The following SLC14A2 variants were observed in gnomAD, a reference collection of about 807,000 sequenced individuals.
The protein encoded by SLC14A2 is solute carrier family 14 member 2.
Under a neutral mutation model 104.6 loss-of-function variants are expected in SLC14A2, and 91 were observed. That is an observed-to-expected ratio of 0.87 (90% confidence interval 0.73 to 1.04). The LOEUF (loss-of-function observed/expected upper bound fraction) is 1.04, where lower values mean the gene tolerates loss of function less well. SLC14A2 is among the 50% of genes least tolerant of loss of function. SLC14A2 has a pLI of 0.00. For synonymous variants in SLC14A2, 476 were observed against 466.4 expected, an observed-to-expected ratio of 1.02 and a Z score of -0.27; for missense variants, 1,189 against 1,156.0, an observed-to-expected ratio of 1.03 and a Z score of -0.41.
intron 2 of SLC14A2, among the ~76,000 whole-genome samples, chr18:45,551,109 T>C (rs1013474880): frequency 2.0e-5 from 3 of 152,286 alleles, no homozygotes; most frequent in African/African-American, 7.2e-5. Flanking sequence ...GAACAAGCAA[T>C]GAGTAGCCCT....
the SLC14A2 span, among the ~76,000 whole-genome samples, chr18:45,172,763 T>C: frequency 2.0e-5 from 3 of 152,124 alleles, no homozygotes; most frequent in African/African-American, 7.2e-5. Context: ...GACTCATCCA[T>C]AGATTGTCTC....
At chr18:45,528,183 G>GC (rs2043625810) in intron 2 of SLC14A2, 2 of 8,720 alleles carry the variant, frequency 2.3e-4, no homozygotes, top group East Asian at 5.4e-3. Context: ...GTGTGTGTGC[G>GC]GGGGGGGGGG....
chr18:45,349,654 C>T (rs150239050), intron 1 of SLC14A2, among the ~76,000 whole-genome samples: 1 of 152,342 alleles, frequency 6.6e-6, no homozygotes, highest in Non-Finnish European at 1.5e-5. Flanking sequence ...GCAGATTGCA[C>T]AAACATAACC....
intron 10 of SLC14A2, among the ~76,000 whole-genome samples, chr18:45,648,985 C>T (rs1346083793): frequency 6.6e-6 from 1 of 152,086 alleles, no homozygotes; most frequent in Non-Finnish European, 1.5e-5. Context: ...TCCTGGCTAA[C>T]ATGGTGAAAC....
intron 1 of SLC14A2, among the ~76,000 whole-genome samples, chr18:45,296,526 C>G (rs1263915389): frequency 1.3e-5 from 2 of 152,162 alleles, no homozygotes; most frequent in African/African-American, 4.8e-5. Context: ...ATTAGCTAAG[C>G]CAATCTCCTG....
intron 1 of SLC14A2, among the ~76,000 whole-genome samples, chr18:45,242,818 T>G (rs1164499538): frequency 6.6e-6 from 1 of 152,146 alleles, no homozygotes; most frequent in East Asian, 1.9e-4. Flanking sequence ...GTATATTTAG[T>G]TTATATATTT....
intron 18 of SLC14A2, among the ~76,000 whole-genome samples, chr18:45,675,492 G>A (rs1002700763): frequency 6.6e-6 from 1 of 151,792 alleles, no homozygotes; most frequent in Non-Finnish European, 1.5e-5. Flanking sequence ...ACACATACAA[G>A]TGGAGTTTGG....
chr18:45,668,382 T>C lies in SLC14A2; in HGVS notation c.1941T>C (p.Asn647=), dbSNP rs768361950. 36 of 1,613,972 alleles carry C rather than the reference T, an allele frequency of 2.2e-5. 1 individual carries two copies. In the South Asian group the frequency reaches 3.6e-4, roughly 16 times the overall value. ...SAIAAGFHGY[N]GVLVGLLMAV... ...TCGCTGCAGGATTTCACGGCTACAA[T>C]GGGGTGCTGGTGGGGCTGCTGATGG... Residue 647 remains asparagine, a synonymous_variant, in exon 15 of 20, where the codon AAT becomes AAC. Coordinates refer to ENST00000255226, the MANE Select transcript of SLC14A2 (RefSeq NM_007163.4).
chr18:45,530,466 T>C (rs75820355), intron 2 of SLC14A2, among the ~76,000 whole-genome samples: 3,216 of 152,274 alleles, frequency 0.021, 126 homozygotes, highest in African/African-American at 0.073. Context: ...ACAGGTTTTC[T>C]TTTATATCTC....
intron 2 of SLC14A2, among the ~76,000 whole-genome samples, chr18:45,491,303 A>C (rs1037944020): frequency 4.6e-5 from 7 of 152,362 alleles, no homozygotes; most frequent in South Asian, 2.1e-4. Flanking sequence ...TCTTGAAAAA[A>C]TCCAAGGTCT....
At chr18:45,579,903 A>G (rs1568284233) in intron 2 of SLC14A2, among the ~76,000 whole-genome samples, 1 of 152,186 alleles carries the variant, frequency 6.6e-6, no homozygotes, top group Non-Finnish European at 1.5e-5. Flanking sequence ...AACCATGCAA[A>G]GAGTTAAGAA....
chr18:45,381,999 G>T (rs181417769), intron 1 of SLC14A2, among the ~76,000 whole-genome samples: 2 of 152,000 alleles, frequency 1.3e-5, no homozygotes, highest in African/African-American at 4.8e-5. Flanking sequence ...TAACATTTCC[G>T]CTTAGCACCC....
chr18:45,511,045 C>G (rs180676741), intron 2 of SLC14A2, among the ~76,000 whole-genome samples: 193 of 152,314 alleles, frequency 1.3e-3, no homozygotes, highest in Non-Finnish European at 2.0e-3. Flanking sequence ...GATTTGCAGA[C>G]AGCAGAAAGG....
intron 1 of SLC14A2, among the ~76,000 whole-genome samples, chr18:45,319,531 G>A (rs1358600311): frequency 1.3e-5 from 2 of 152,228 alleles, no homozygotes; most frequent in Admixed American, 1.3e-4. Context: ...AGCACCAGGA[G>A]AACTGGGACC....
At chr18:45,387,508 T>A (rs879278923) in intron 1 of SLC14A2, among the ~76,000 whole-genome samples, 2 of 152,206 alleles carry the variant, frequency 1.3e-5, no homozygotes, top group Admixed American at 6.5e-5. Flanking sequence ...AGGCAGTAAA[T>A]GCACACTATA....
chr18:45,558,699 G>A (rs966560965), intron 2 of SLC14A2, among the ~76,000 whole-genome samples: 9 of 152,152 alleles, frequency 5.9e-5, no homozygotes, highest in Non-Finnish European at 1.2e-4. Context: ...GTTTGAATTC[G>A]CCACAAGTGT....
At chr18:45,588,622 T>A (rs977701139) in intron 2 of SLC14A2, among the ~76,000 whole-genome samples, 1 of 152,174 alleles carries the variant, frequency 6.6e-6, no homozygotes, top group Non-Finnish European at 1.5e-5. Context: ...TCTCTGGTGA[T>A]CTCTGAGGAG....
chr18:45,662,117 A>G (rs1218131545), intron 10 of SLC14A2, among the ~76,000 whole-genome samples: 1 of 152,240 alleles, frequency 6.6e-6, no homozygotes, highest in Non-Finnish European at 1.5e-5. Flanking sequence ...AGCCTGGCCA[A>G]GATGGTGAAA....
At chr18:45,352,975 C>A (rs534878642) in intron 1 of SLC14A2, among the ~76,000 whole-genome samples, 1 of 152,266 alleles carries the variant, frequency 6.6e-6, no homozygotes, top group East Asian at 1.9e-4. Flanking sequence ...ATACAGAAAT[C>A]AAAAGTGAGG....
Sources: gnomAD v4.1 joint callset for allele counts (sites outside exome capture counted in the v4.1 genomes callset) on GRCh38, gnomAD v4.1.1 for gene constraint, MANE v1.5 for transcripts, NCBI Gene and HGNC (gene_info 2026-07-23, HGNC 2026-07-21) for gene names.